CHST8: variants seen among roughly 807,000 people sequenced by gnomAD.
CHST8 encodes GALNAC-4-ST1.
A neutral mutation model predicts 15.0 loss-of-function variants in CHST8; 10 were observed. The ratio of observed to expected loss-of-function variants is 0.67; its 90% CI spans 0.41 to 1.13. The LOEUF (loss-of-function observed/expected upper bound fraction) is 1.13, where lower values mean the gene tolerates loss of function less well. Ranked by LOEUF, CHST8 falls within the 50% of genes most tolerant of loss-of-function variation. CHST8 has a pLI of 0.00. For missense variants in CHST8, 634 were observed against 608.2 expected (o/e 1.04, Z -0.45); for synonymous variants, 259 against 256.6 (o/e 1.01, Z -0.09).
intron 3 of CHST8, among the ~76,000 whole-genome samples, chr19:33,751,744 C>G (rs771306444): frequency 1.3e-5 from 2 of 152,246 alleles, no homozygotes; most frequent in Non-Finnish European, 2.9e-5. Context: ...GGGTGACCCA[C>G]TTAACCTCTT....
chr19:33,688,088 C>T (rs1331788244), intron 2 of CHST8, among the ~76,000 whole-genome samples: 1 of 152,206 alleles, frequency 6.6e-6, no homozygotes, highest in Non-Finnish European at 1.5e-5. Flanking sequence ...AGTAAGGGGA[C>T]AGAGTGACTG....
At chr19:33,640,912 G>A (rs953876189) in intron 1 of CHST8, among the ~76,000 whole-genome samples, 6 of 152,064 alleles carry the variant, frequency 3.9e-5, no homozygotes, top group African/African-American at 7.2e-5. Context: ...GGGGCGCCCC[G>A]GGATGGGAAC....
At chr19:33,682,187 G>GTTTTTT (rs869056900) in intron 2 of CHST8, among the ~76,000 whole-genome samples, 186 of 95,230 alleles carry the variant, frequency 2.0e-3, no homozygotes, top group Non-Finnish European at 2.6e-3. Context: ...TTTTGTTGTT[G>GTTTTTT]TTTTTTTTTT....
At chr19:33,750,984 A>G (rs970199519) in intron 3 of CHST8, among the ~76,000 whole-genome samples, 1 of 151,748 alleles carries the variant, frequency 6.6e-6, no homozygotes. Context: ...ATCATCAAGG[A>G]CAAGGGGGAG....
At chr19:33,643,408 C>G (rs950776247) in intron 1 of CHST8, among the ~76,000 whole-genome samples, 2 of 152,178 alleles carry the variant, frequency 1.3e-5, no homozygotes, top group Admixed American at 6.5e-5. Flanking sequence ...TCTCTGCTCC[C>G]TCCCTCCCCA....
In CHST8 at chr19:33,760,425, C is replaced by G. The variant is rs367559073; in HGVS notation, c.131-10988C>G. On this transcript the variant is annotated intron_variant, in intron 3 of 4. Coordinates refer to ENST00000650847, the MANE Select transcript of CHST8 (RefSeq NM_001127895.2). ...CTCTAACGCTTGGACTCAACTGATC[C>G]TCCCACCTTAGCCTTCTGAGCAGCT... Among the ~76,000 whole-genome samples, 11 of 151,774 alleles carry G rather than the reference C, an allele frequency of 7.2e-5. No individual in the cohort carries two copies. The South Asian group carries it at 2.3e-3, about 32-fold the overall frequency.
chr19:33,683,764 C>A (rs73926584), intron 2 of CHST8, among the ~76,000 whole-genome samples: 4 of 152,166 alleles, frequency 2.6e-5, no homozygotes, highest in Admixed American at 6.5e-5. Flanking sequence ...GGCCTCGATG[C>A]GATTCCCGAT....
intron 3 of CHST8, among the ~76,000 whole-genome samples, chr19:33,706,367 G>T (rs746488450): frequency 2.0e-5 from 3 of 152,114 alleles, no homozygotes; most frequent in Non-Finnish European, 4.4e-5. Flanking sequence ...TGTGCATCTG[G>T]CCCTCACCCA....
chr19:33,694,563 T>C (rs1056049713), intron 3 of CHST8, among the ~76,000 whole-genome samples: 1 of 152,108 alleles, frequency 6.6e-6, no homozygotes, highest in Non-Finnish European at 1.5e-5. Context: ...ACATTTACCA[T>C]GGGCCAGGCC....
At position 33,771,855 on chromosome 19, in the gene CHST8, G is replaced by C. The variant is rs1005477333; in HGVS notation, c.169-102G>C. On this transcript the variant is annotated intron_variant, in intron 4 of 4. Coordinates refer to ENST00000650847, the MANE Select transcript of CHST8 (RefSeq NM_001127895.2). ...CAGAGTCAGCCTGTCTCCCTCACCTGAGAGGGACAGGAACCCCAGCCGTGG... is the reference window on the plus strand; with the variant it reads ...CAGAGTCAGCCTGTCTCCCTCACCTCAGAGGGACAGGAACCCCAGCCGTGG... 3.6e-6 allele frequency: 5 copies of C among 1,380,670 alleles called. No individual in the cohort carries two copies. In the African/African-American group the frequency reaches 7.3e-5, roughly 20 times the overall value. 85.5% of individuals were successfully genotyped at this position (1,380,670 alleles called of 1,614,324 possible). A position where few individuals can be genotyped will look rare whatever the true frequency, so the allele number is the denominator to read the frequency against.
intron 3 of CHST8, among the ~76,000 whole-genome samples, chr19:33,706,195 T>C (rs1973442360): frequency 2.0e-5 from 3 of 152,128 alleles, no homozygotes; most frequent in South Asian, 4.2e-4. Flanking sequence ...ATGCATGGCA[T>C]TGGAGGGCCA....
At chr19:33,680,504 A>G (rs951829253) in intron 2 of CHST8, among the ~76,000 whole-genome samples, 1 of 152,234 alleles carries the variant, frequency 6.6e-6, no homozygotes, top group Non-Finnish European at 1.5e-5. Flanking sequence ...GCCCTCTTCA[A>G]GGTTCCTCAC....
intron 3 of CHST8, among the ~76,000 whole-genome samples, chr19:33,701,185 C>G (rs1973327983): frequency 6.6e-6 from 1 of 152,102 alleles, no homozygotes; most frequent in Non-Finnish European, 1.5e-5. Context: ...GCCTCTCTCA[C>G]CTGAGCCCAG....
At chr19:33,672,459 A>G (rs1173354884) in intron 2 of CHST8, among the ~76,000 whole-genome samples, 1 of 152,152 alleles carries the variant, frequency 6.6e-6, no homozygotes, top group Admixed American at 6.5e-5. Context: ...TCGGCCTCCC[A>G]AAGTGCTGGG....
intron 3 of CHST8, among the ~76,000 whole-genome samples, chr19:33,721,012 C>G (rs1973779813): frequency 6.6e-6 from 1 of 152,244 alleles, no homozygotes; most frequent in Non-Finnish European, 1.5e-5. Context: ...CTTCAGCTTG[C>G]ACCTCTGGCC....
intron 1 of CHST8, among the ~76,000 whole-genome samples, chr19:33,652,260 G>A (rs1972458122): frequency 6.7e-6 from 1 of 149,722 alleles, no homozygotes; most frequent in Admixed American, 6.6e-5. Flanking sequence ...TCTTTGGTAT[G>A]TTGCTTCACT....
At chr19:33,680,037 A>T (rs999595940) in intron 2 of CHST8, among the ~76,000 whole-genome samples, 10 of 152,132 alleles carry the variant, frequency 6.6e-5, no homozygotes, top group African/African-American at 2.4e-4. Flanking sequence ...CAAGGCCTAC[A>T]TCCCTATTCC....
chr19:33,693,869 G>A (rs1440939900), intron 3 of CHST8, among the ~76,000 whole-genome samples: 3 of 151,482 alleles, frequency 2.0e-5, no homozygotes, highest in Admixed American at 6.6e-5. Flanking sequence ...GCCAGAGATC[G>A]TGCCTAGATC....
At chr19:33,724,597 T>A (rs1973859568) in intron 3 of CHST8, among the ~76,000 whole-genome samples, 1 of 152,142 alleles carries the variant, frequency 6.6e-6, no homozygotes, top group Non-Finnish European at 1.5e-5. Flanking sequence ...GCCTGGACAG[T>A]ATTGCCTGGG....
Sources: gnomAD v4.1 joint callset for allele counts (sites outside exome capture counted in the v4.1 genomes callset) on GRCh38, gnomAD v4.1.1 for gene constraint, MANE v1.5 for transcripts, NCBI Gene and HGNC (gene_info 2026-07-23, HGNC 2026-07-21) for gene names.